Variants in SPIRE1 observed in about 807,000 individuals in gnomAD.
SPIRE1 encodes spire type actin nucleation factor 1.
SPIRE1 carries 40 observed loss-of-function variants against 94.1 expected under a neutral mutation model. That is an observed-to-expected ratio of 0.43 (90% confidence interval 0.33 to 0.55). SPIRE1 has a LOEUF of 0.55. Ranked by LOEUF, SPIRE1 falls within the 20% of genes least tolerant of loss-of-function variation. SPIRE1 has a pLI of 0.06. For missense variants in SPIRE1, 838 were observed against 975.2 expected (o/e 0.86, Z 1.87); for synonymous variants, 376 against 371.7 (o/e 1.01, Z -0.13).
At chr18:12,475,383 G>A (rs902038511) in intron 10 of SPIRE1, among the ~76,000 whole-genome samples, 1 of 152,086 alleles carries the variant, frequency 6.6e-6, no homozygotes, top group Non-Finnish European at 1.5e-5. Flanking sequence ...TGATTCTTAG[G>A]TATGTTTTTT....
At chr18:12,592,818 G>C (rs2036570732) in intron 2 of SPIRE1, among the ~76,000 whole-genome samples, 1 of 152,190 alleles carries the variant, frequency 6.6e-6, no homozygotes, top group African/African-American at 2.4e-5. Context: ...AATATAGAGA[G>C]CTGTAGATAA....
At chr18:12,654,336 CAAAAAAAAAA>C (rs199897679) in intron 1 of SPIRE1, among the ~76,000 whole-genome samples, 44,961 of 99,498 alleles carry the variant, frequency 0.45, 8,110 homozygotes, top group Middle Eastern at 0.53. Flanking sequence ...GACTCCACCT[CAAAAAAAAAA>C]AAAAAAAAAA....
At position 12,447,805 on chromosome 18, in the gene SPIRE1, C is replaced by T. The variant is rs1010496347; in HGVS notation, c.*1833G>A. Reference sequence around the variant, plus strand: ...GTCATTATTTTAAAAAGCACATTCTCCTAGGTGCATATTTATATACATATA... The same window carrying T: ...GTCATTATTTTAAAAAGCACATTCTTCTAGGTGCATATTTATATACATATA... On this transcript the variant is annotated 3_prime_UTR_variant, in exon 17 of 17. Transcript: ENST00000409402. 7 of 152,174 alleles carry T rather than the reference C, an allele frequency of 4.6e-5. No homozygotes were observed. The highest frequency in any genetic ancestry group is 7.3e-5 in the Non-Finnish European group (5 of 68,036). 9.4% of individuals were successfully genotyped at this position (152,174 alleles called of 1,614,324 possible). A position where few individuals can be genotyped will look rare whatever the true frequency, so the allele number is the denominator to read the frequency against.
intron 1 of SPIRE1, among the ~76,000 whole-genome samples, chr18:12,641,978 C>T (rs1053892454): frequency 1.7e-4 from 26 of 151,484 alleles, no homozygotes; most frequent in Non-Finnish European, 2.5e-4. Context: ...ACTACAGGCA[C>T]GCACCACCAC....
intron 2 of SPIRE1, among the ~76,000 whole-genome samples, chr18:12,561,053 G>C (rs1477325572): frequency 6.6e-6 from 1 of 152,032 alleles, no homozygotes; most frequent in East Asian, 1.9e-4. Flanking sequence ...TGATTATTAC[G>C]CACTGGATGT....
intron 1 of SPIRE1, among the ~76,000 whole-genome samples, chr18:12,654,336 CAAA>C (rs199897679): frequency 4.0e-5 from 4 of 98,996 alleles, no homozygotes; most frequent in African/African-American, 4.1e-5. Context: ...GACTCCACCT[CAAA>C]AAAAAAAAAA....
upstream of SPIRE1, among the ~76,000 whole-genome samples, chr18:12,661,117 G>A (rs1227827732): frequency 6.6e-6 from 1 of 152,112 alleles, no homozygotes; most frequent in African/African-American, 2.4e-5. Flanking sequence ...AGACCAGCCT[G>A]GCCAACATGG....
chr18:12,558,265 GGTGA>G (rs1264927458), intron 2 of SPIRE1, among the ~76,000 whole-genome samples: 1 of 152,124 alleles, frequency 6.6e-6, no homozygotes, highest in African/African-American at 2.4e-5. Context: ...AGACCTTTGC[GGTGA>G]GTGTTACAGT....
intron 9 of SPIRE1, among the ~76,000 whole-genome samples, chr18:12,485,106 CT>C (rs71371264): frequency 5.2e-4 from 70 of 133,890 alleles, no homozygotes; most frequent in African/African-American, 9.0e-4. Context: ...TTTTTATACT[CT>C]TTTTTTTTTT....
chr18:12,451,852 G>T (rs1336460379), intron 16 of SPIRE1, among the ~76,000 whole-genome samples: 1 of 152,192 alleles, frequency 6.6e-6, no homozygotes, highest in African/African-American at 2.4e-5. Flanking sequence ...TAATAGTAAA[G>T]TCAGTCAAAG....
At chr18:12,557,873 C>T (rs974239008) in intron 2 of SPIRE1, among the ~76,000 whole-genome samples, 50 of 152,044 alleles carry the variant, frequency 3.3e-4, no homozygotes, top group African/African-American at 1.2e-3. Flanking sequence ...CATACATCTA[C>T]AATGAACTCA....
upstream of SPIRE1, among the ~76,000 whole-genome samples, chr18:12,659,840 A>C (rs1313521859): frequency 6.6e-6 from 1 of 151,948 alleles, no homozygotes; most frequent in Non-Finnish European, 1.5e-5. Flanking sequence ...CCAGAGAGGC[A>C]AACATGTAAT....
At chr18:12,570,398 A>G (rs867357650) in intron 2 of SPIRE1, among the ~76,000 whole-genome samples, 1 of 152,328 alleles carries the variant, frequency 6.6e-6, no homozygotes, top group Middle Eastern at 3.4e-3. Flanking sequence ...TTCAGTTGTT[A>G]TCTAACAAAC....
Position 12,449,288 on chromosome 18 carries a change from C to A in SPIRE1, c.*350G>T. 3.6e-6 allele frequency: 1 copy of A among 277,590 alleles called. No homozygotes were observed. The highest frequency in any genetic ancestry group is 2.2e-5 in the African/African-American group (1 of 44,966). The allele number at this position is 277,590 out of a possible 1,614,324, so 17.2% of individuals were successfully genotyped here. A position where few individuals can be genotyped will look rare whatever the true frequency, so the allele number is the denominator to read the frequency against. On this transcript the variant is annotated 3_prime_UTR_variant, in exon 17 of 17. Transcript: ENST00000409402. ...CATCGGCATCTCTGTTAGACTGATT[C>A]TCGTAGGAGAAGCTTTTTTTTTTTG... is the stretch of plus-strand genomic sequence containing the variant.
At chr18:12,543,046 G>A (rs1482317218) in intron 3 of SPIRE1, among the ~76,000 whole-genome samples, 1 of 151,930 alleles carries the variant, frequency 6.6e-6, no homozygotes, top group Non-Finnish European at 1.5e-5. Context: ...CAGGCTGGTC[G>A]TGAACTCCTG....
chr18:12,508,824 G>A (rs1444494523), intron 5 of SPIRE1, among the ~76,000 whole-genome samples: 3 of 151,934 alleles, frequency 2.0e-5, no homozygotes, highest in Admixed American at 1.3e-4. Flanking sequence ...ACAGGTGCCC[G>A]CCACTATGCC....
chr18:12,463,363 A>G lies in SPIRE1; in HGVS notation c.1626T>C (p.Ser542=), dbSNP rs1245485939. The change falls in exon 12 of 17, where the codon AGT becomes AGC. Residue 542 remains serine (S), a synonymous_variant. Transcript: ENST00000409402. Reference sequence around the variant, plus strand: ...TTCCTGTACTTACAAGAGAGCGGGAACTCTGCCTGGAAGGCGGCAGGAACT... The same window carrying G: ...TTCCTGTACTTACAAGAGAGCGGGAGCTCTGCCTGGAAGGCGGCAGGAACT... ...VRQFLPPSRQ[S]SRSLEEFCYP... The G allele has an allele frequency of 1.9e-6, 3 of 1,612,798 alleles. No individual in the cohort carries two copies.
chr18:12,492,839 TTAGA>T (rs1256261464), intron 8 of SPIRE1, among the ~76,000 whole-genome samples: 2 of 152,106 alleles, frequency 1.3e-5, no homozygotes, highest in Admixed American at 1.3e-4. Context: ...TAGTTCAGTA[TTAGA>T]TAGGCGGAAG....
chr18:12,526,354 C>T lies in SPIRE1; in HGVS notation c.729+9122G>A, dbSNP rs546676069. On this transcript the variant is annotated intron_variant, in intron 4 of 16. Transcript: ENST00000409402. ...CACTATTTTGCCTCAGCATTTGGGT[C>T]TCAGCTTCGAAGTTACTTCTGGGAA... 3.3e-5 allele frequency among the ~76,000 whole-genome samples: 5 copies of T among 152,302 alleles called. No homozygotes were observed. The East Asian group carries it at 7.7e-4, about 24-fold the overall frequency.
Sources: gnomAD v4.1 joint callset for allele counts (sites outside exome capture counted in the v4.1 genomes callset) on GRCh38, gnomAD v4.1.1 for gene constraint, MANE v1.5 for transcripts, NCBI Gene and HGNC (gene_info 2026-07-23, HGNC 2026-07-21) for gene names.